Variants in MACROD2 observed in about 807,000 individuals in gnomAD.
MACROD2 encodes ADP-ribose glycohydrolase MACROD2.
In MACROD2, 36 loss-of-function variants were observed where a neutral mutation model predicts 70.4. That is an observed-to-expected ratio of 0.51 (90% confidence interval 0.39 to 0.68). The LOEUF (loss-of-function observed/expected upper bound fraction) is 0.68. Ranked by LOEUF, MACROD2 falls within the 30% of genes least tolerant of loss-of-function variation. MACROD2 has a pLI of 0.00. For missense variants in MACROD2, 496 were observed against 538.4 expected (o/e 0.92, Z 0.78); for synonymous variants, 172 against 178.8 (o/e 0.96, Z 0.30).
chr20:14,440,751 A>G (rs917999597), intron 3 of MACROD2, among the ~76,000 whole-genome samples: 15 of 152,294 alleles, frequency 9.8e-5, no homozygotes, highest in African/African-American at 3.6e-4. Context: ...GCTAAGCCTC[A>G]GGGGGCATTA....
Position 14,509,144 on chromosome 20 carries a change from G to T in MACROD2, c.301+15636G>T, listed in dbSNP as rs544462997. Among the ~76,000 whole-genome samples the T allele has an allele frequency of 2.2e-4, 33 of 152,112 alleles. No homozygotes were observed. The South Asian group carries it at 6.0e-3, about 28-fold the overall frequency. On this transcript the variant is annotated intron_variant, in intron 4 of 17. Coordinates refer to ENST00000684519, the MANE Select transcript of MACROD2 (RefSeq NM_001351661.2). ...ACTATACAAATCAAAAGAACCATAAGCTATTGTAGAAAAAGGAAGGATACT... is the reference window on the plus strand; with the variant it reads ...ACTATACAAATCAAAAGAACCATAATCTATTGTAGAAAAAGGAAGGATACT...
At chr20:15,288,567 G>A (rs1242305967) in intron 6 of MACROD2, among the ~76,000 whole-genome samples, 1 of 152,182 alleles carries the variant, frequency 6.6e-6, no homozygotes, top group Non-Finnish European at 1.5e-5. Context: ...CGAAGGCTTA[G>A]ATAGAACAAA....
At chr20:14,386,376 C>G (rs565797421) in intron 3 of MACROD2, among the ~76,000 whole-genome samples, 2 of 152,308 alleles carry the variant, frequency 1.3e-5, no homozygotes, top group African/African-American at 2.4e-5. Context: ...GCTTTCTCTT[C>G]TCTGATGGCA....
At chr20:15,888,480 A>G (rs1314545449) in intron 10 of MACROD2, among the ~76,000 whole-genome samples, 1 of 152,188 alleles carries the variant, frequency 6.6e-6, no homozygotes, top group Non-Finnish European at 1.5e-5. Flanking sequence ...AAGTGCTGTA[A>G]GTACACATTT....
chr20:15,303,545 C>G (rs1476469588), intron 6 of MACROD2, among the ~76,000 whole-genome samples: 1 of 152,194 alleles, frequency 6.6e-6, no homozygotes, highest in Non-Finnish European at 1.5e-5. Flanking sequence ...CTAGTTCACT[C>G]CATCAACAAC....
intron 5 of MACROD2, among the ~76,000 whole-genome samples, chr20:15,041,833 T>G (rs1032662888): frequency 6.6e-6 from 1 of 152,214 alleles, no homozygotes; most frequent in African/African-American, 2.4e-5. Context: ...TCTTGGAGTT[T>G]TAATATCGAA....
At chr20:15,781,928 G>C (rs1233672304) in intron 8 of MACROD2, among the ~76,000 whole-genome samples, 3 of 152,078 alleles carry the variant, frequency 2.0e-5, no homozygotes, top group Non-Finnish European at 4.4e-5. Flanking sequence ...TAATGAGATA[G>C]TATTGAGGGA....
At chr20:14,002,469 A>G in intron 2 of MACROD2, 65 bp downstream of exon 2, 1 of 911,678 alleles carries the variant, frequency 1.1e-6, no homozygotes, top group East Asian at 2.5e-5. Context: ...GTTGACAGAA[A>G]TGAATAACTG....
At chr20:15,079,951 G>T (rs1429571717) in intron 5 of MACROD2, among the ~76,000 whole-genome samples, 1 of 151,866 alleles carries the variant, frequency 6.6e-6, no homozygotes, top group Non-Finnish European at 1.5e-5. Flanking sequence ...TATCACCAGA[G>T]AACTTTGTCT....
chr20:15,315,291 A>G (rs2077796987), intron 6 of MACROD2, among the ~76,000 whole-genome samples: 1 of 152,198 alleles, frequency 6.6e-6, no homozygotes, highest in Non-Finnish European at 1.5e-5. Flanking sequence ...CAAAGAAATA[A>G]TGGCCAAAGC....
At chr20:14,186,964 G>A (rs1025615655) in intron 3 of MACROD2, among the ~76,000 whole-genome samples, 2 of 152,088 alleles carry the variant, frequency 1.3e-5, no homozygotes, top group African/African-American at 4.8e-5. Context: ...GGGCGGAGAT[G>A]GGAAGGGAGG....
At chr20:15,226,797 C>G (rs1568651506) in intron 5 of MACROD2, among the ~76,000 whole-genome samples, 1 of 152,034 alleles carries the variant, frequency 6.6e-6, no homozygotes, top group African/African-American at 2.4e-5. Flanking sequence ...CAGAGATAAT[C>G]TAAGCAGGAG....
At chr20:14,698,383 C>G (rs1457275127) in intron 5 of MACROD2, among the ~76,000 whole-genome samples, 1 of 152,158 alleles carries the variant, frequency 6.6e-6, no homozygotes, top group Admixed American at 6.6e-5. Flanking sequence ...GACAATCACC[C>G]TACCCTCACA....
intron 5 of MACROD2, among the ~76,000 whole-genome samples, chr20:15,177,323 ACG>A (rs2076469794): frequency 6.6e-6 from 1 of 152,240 alleles, no homozygotes; most frequent in African/African-American, 2.4e-5. Context: ...AAGGTTGAAT[ACG>A]CACTGGTCCA....
At chr20:15,275,479 G>C (rs1006492262) in intron 6 of MACROD2, among the ~76,000 whole-genome samples, 2 of 152,156 alleles carry the variant, frequency 1.3e-5, no homozygotes, top group Admixed American at 6.5e-5. Flanking sequence ...AAATCTTGCT[G>C]TGCACCCGGT....
At chr20:14,213,047 G>T (rs2081583456) in intron 3 of MACROD2, among the ~76,000 whole-genome samples, 1 of 151,414 alleles carries the variant, frequency 6.6e-6, no homozygotes, top group Non-Finnish European at 1.5e-5. Context: ...GAGAAGTGAG[G>T]AACTGAACAG....
At chr20:15,224,812 T>G (rs1438599265) in intron 5 of MACROD2, among the ~76,000 whole-genome samples, 1 of 151,866 alleles carries the variant, frequency 6.6e-6, no homozygotes, top group African/African-American at 2.4e-5. Flanking sequence ...ATACAAATAT[T>G]AGCTTGGTGT....
At chr20:15,110,648 C>T (rs1568578555) in intron 5 of MACROD2, among the ~76,000 whole-genome samples, 3 of 152,286 alleles carry the variant, frequency 2.0e-5, no homozygotes, top group Admixed American at 1.3e-4. Flanking sequence ...TGTTCTTGCC[C>T]TTCACGCAGT....
chr20:15,962,431 C>G (rs1481288996), intron 12 of MACROD2, among the ~76,000 whole-genome samples: 5 of 152,230 alleles, frequency 3.3e-5, no homozygotes, highest in African/African-American at 9.6e-5. Context: ...TTCTGAATCA[C>G]AACCCTATGA....
Sources: gnomAD v4.1 joint callset for allele counts (sites outside exome capture counted in the v4.1 genomes callset) on GRCh38, gnomAD v4.1.1 for gene constraint, MANE v1.5 for transcripts, NCBI Gene and HGNC (gene_info 2026-07-23, HGNC 2026-07-21) for gene names.